NEK4: variants seen among roughly 807,000 people sequenced by gnomAD.
The protein encoded by NEK4 is serine/threonine-protein kinase Nek4.
NEK4 carries 86 observed loss-of-function variants against 98.4 expected under a neutral mutation model. The ratio of observed to expected loss-of-function variants is 0.87; its 90% confidence interval spans 0.73 to 1.05. The LOEUF is 1.05. NEK4 is among the 50% of genes least tolerant of loss of function. The pLI, the probability that NEK4 is intolerant of heterozygous loss-of-function variation, is 0.00. For synonymous variants in NEK4, 328 were observed against 342.2 expected (o/e 0.96, Z 0.46); for missense variants, 898 against 950.3 (o/e 0.94, Z 0.72).
rs2154104225 is a variant in NEK4, at chr3:52,744,319, T to C, written c.1828-14A>G. On this transcript the variant is annotated splice_polypyrimidine_tract_variant and intron_variant, in intron 10 of 15. Coordinates refer to ENST00000233027, the MANE Select transcript of NEK4 (RefSeq NM_003157.6). Reference sequence around the variant, plus strand: ...TAATGGTCGATCCTTTAAAAGAAAGTCACAGAGTCACTTCCATTCCTACTT... The same window carrying C: ...TAATGGTCGATCCTTTAAAAGAAAGCCACAGAGTCACTTCCATTCCTACTT... The C allele has an allele frequency of 1.9e-6, 3 of 1,596,154 alleles. No individual in the cohort carries two copies. The highest frequency in any genetic ancestry group is 2.2e-5 in the South Asian group (2 of 90,740).
chr3:52,739,717 C>T (rs1159067681), intron 13 of NEK4, 83 bp from the exon 14 acceptor site: 11 of 1,173,070 alleles, frequency 9.4e-6, no homozygotes, highest in Admixed American at 3.6e-5. Flanking sequence ...AACGACCTTT[C>T]GGGAATTATC....
intron 15 of NEK4, among the ~76,000 whole-genome samples, chr3:52,727,963 T>C (rs759412510): frequency 3.4e-4 from 52 of 152,206 alleles, no homozygotes; most frequent in Non-Finnish European, 6.0e-4. Flanking sequence ...CTGGGCACAA[T>C]GGCCAATGAC....
intron 4 of NEK4, among the ~76,000 whole-genome samples, chr3:52,763,915 T>A (rs1342954986): frequency 6.6e-6 from 1 of 152,234 alleles, no homozygotes; most frequent in Admixed American, 6.5e-5. Flanking sequence ...TGCAGTACTG[T>A]TCTTGCAGTA....
chr3:52,734,140 A>AT (rs2097372623), intron 15 of NEK4, among the ~76,000 whole-genome samples: 1 of 152,144 alleles, frequency 6.6e-6, no homozygotes. Flanking sequence ...CATGTGGATC[A>AT]TAAGGTCAAG....
chr3:52,763,101 G>C (rs1246654469), intron 5 of NEK4, among the ~76,000 whole-genome samples: 1 of 152,092 alleles, frequency 6.6e-6, no homozygotes. Flanking sequence ...TCTCCACCTA[G>C]TTTACTTTTC....
chr3:52,721,546 A>G (rs2097360104), intron 15 of NEK4, among the ~76,000 whole-genome samples: 1 of 151,972 alleles, frequency 6.6e-6, no homozygotes, highest in Admixed American at 6.6e-5. Context: ...TGGGCAACAT[A>G]GGGAGACTCT....
intron 13 of NEK4, 132 bp downstream of exon 13, chr3:52,741,279 A>C: frequency 1.1e-4 from 48 of 444,800 alleles, no homozygotes; most frequent in East Asian, 2.3e-4. Flanking sequence ...TTTTAGCTCC[A>C]GCATATGCCA....
chr3:52,760,687 A>G (rs1698321324), intron 6 of NEK4, 108 bp downstream of exon 6: 4 of 798,888 alleles, frequency 5.0e-6, no homozygotes, highest in Non-Finnish European at 8.5e-6. Flanking sequence ...TAATTGTACA[A>G]CAGAATCTCT....
At chr3:52,750,123 T>C (rs1240341752) in intron 7 of NEK4, among the ~76,000 whole-genome samples, 1 of 152,236 alleles carries the variant, frequency 6.6e-6, no homozygotes, top group Non-Finnish European at 1.5e-5. Context: ...ACTGAAAATA[T>C]ATGTCCACAC....
Position 52,766,236 on chromosome 3 carries a change from A to T in NEK4, c.500T>A (p.Ile167Asn). ...AGGGCTCATGTAGTAGGGTGTGCCA[A>T]TGAGGGTGCTAGCCATGTCACAGTG... ...ENHCDMASTL[I>N]GTPYYMSPEL... The change falls in exon 3 of 16, where the codon ATT (isoleucine) becomes AAT (asparagine). Residue 167 changes from isoleucine (I) to asparagine (N), a missense_variant. Coordinates refer to ENST00000233027, the MANE Select transcript of NEK4 (RefSeq NM_003157.6). 2 of 1,614,158 alleles carry T rather than the reference A, an allele frequency of 1.2e-6. No homozygotes were observed. Among genetic ancestry groups the T allele is most frequent in the Non-Finnish European group, 1.7e-6 (2 of 1,180,016 alleles).
chr3:52,753,683 G>C (rs2097409527), intron 6 of NEK4: 1 of 582,570 alleles, frequency 1.7e-6, no homozygotes, highest in Admixed American at 1.9e-5. Flanking sequence ...TAAGCCTACG[G>C]AGCCTGTCCC....
chr3:52,726,672 C>A (rs533095261), intron 15 of NEK4, among the ~76,000 whole-genome samples: 11 of 150,810 alleles, frequency 7.3e-5, no homozygotes, highest in Non-Finnish European at 1.3e-4. Flanking sequence ...CTTTGGGAGG[C>A]TGAGGCGGGT....
chr3:52,740,564 G>A (rs1454933860), intron 13 of NEK4, among the ~76,000 whole-genome samples: 3 of 152,114 alleles, frequency 2.0e-5, no homozygotes, highest in South Asian at 2.1e-4. Context: ...CTGGGAGGCC[G>A]AGGTGGGCGG....
In NEK4 at chr3:52,768,581, G is replaced by C; in HGVS notation, c.117C>G (p.Leu39=). The C allele has an allele frequency of 3.2e-5, 51 of 1,614,090 alleles. No individual in the cohort carries two copies. Among genetic ancestry groups the C allele is most frequent in the Non-Finnish European group, 4.2e-5 (50 of 1,179,974 alleles). ...GKQYVIKKLN[L]RNASSRERRA... Reference sequence around the variant, plus strand: ...GCCGCTCTCGGCTAGAGGCATTTCGGAGGTTCAGTTTTTTGATGACATACT... The same window carrying C: ...GCCGCTCTCGGCTAGAGGCATTTCGCAGGTTCAGTTTTTTGATGACATACT... The change falls in exon 2 of 16, where the codon CTC becomes CTG. Residue 39 remains leucine, a synonymous_variant. Transcript: ENST00000233027.
At position 52,710,928 on chromosome 3, in the gene NEK4, A is replaced by G. The variant is rs1016531686; in HGVS notation, c.*849T>C. On this transcript the variant is annotated 3_prime_UTR_variant, in exon 16 of 16. Transcript: ENST00000233027. ...CAACTAATAAAATATGTGCTATATA[A>G]TCATACATTTAAAACATGGAAAGAC... is the stretch of plus-strand genomic sequence containing the variant. 1 of 152,608 alleles carries G rather than the reference A, an allele frequency of 6.6e-6. No individual in the cohort carries two copies. The highest frequency in any genetic ancestry group is 1.5e-5 in the Non-Finnish European group (1 of 68,038). 9.5% of individuals were successfully genotyped at this position (152,608 alleles called of 1,614,324 possible).
chr3:52,755,224 A>G (rs2097413126), intron 6 of NEK4, among the ~76,000 whole-genome samples: 1 of 152,104 alleles, frequency 6.6e-6, no homozygotes, highest in South Asian at 2.1e-4. Flanking sequence ...TCCATAGACA[A>G]AAAGTAGATG....
chr3:52,743,733 T>A (rs933530516), intron 11 of NEK4, among the ~76,000 whole-genome samples: 13 of 152,194 alleles, frequency 8.5e-5, no homozygotes, highest in South Asian at 2.1e-4. Flanking sequence ...GGCAGTACTG[T>A]AAATGTGAAA....
Position 52,770,853 on chromosome 3 carries a change from T to A in NEK4, c.-107A>T. ...CCCGAGAGGGGGCAGTGGGGGCGGC[T>A]GTTGAGGCAGCCGGGCCCGGGCGGG... On this transcript the variant is annotated 5_prime_UTR_variant, in exon 1 of 16. Transcript: ENST00000233027. 1 of 989,594 alleles carries A rather than the reference T, an allele frequency of 1.0e-6. No homozygotes were observed. The highest frequency in any genetic ancestry group is 1.5e-6 in the Non-Finnish European group (1 of 655,974). The allele number at this position is 989,594 out of a possible 1,614,324, so 61.3% of individuals were successfully genotyped here.
intron 15 of NEK4, among the ~76,000 whole-genome samples, chr3:52,724,020 G>T (rs2097362344): frequency 6.6e-6 from 1 of 152,098 alleles, no homozygotes; most frequent in Admixed American, 6.5e-5. Flanking sequence ...ATCACTTGAG[G>T]TCAGGAGTTC....
Sources: allele counts gnomAD v4.1 joint callset (sites outside exome capture counted in the v4.1 genomes callset), GRCh38; gene constraint gnomAD v4.1.1; transcripts MANE v1.5; gene names NCBI Gene and HGNC (gene_info 2026-07-23, HGNC 2026-07-21).